The following CCSER1 variants were observed in gnomAD, a reference collection of about 807,000 sequenced individuals.
The protein encoded by CCSER1 is serine-rich coiled-coil domain-containing protein 1.
A neutral mutation model predicts 82.0 loss-of-function variants in CCSER1; 41 were observed. That is an observed-to-expected ratio of 0.50 (90% confidence interval 0.39 to 0.65). The LOEUF is 0.65. CCSER1 is among the 30% of genes least tolerant of loss of function. The probability of loss-of-function intolerance (pLI) is 0.00; values close to 1 mark genes in which losing one functional copy is unlikely to be tolerated. For synonymous variants in CCSER1, 414 were observed against 383.9 expected (o/e 1.08, Z -0.92); for missense variants, 1,119 against 1,064.2 (o/e 1.05, Z -0.72).
chr4:91,542,455 C>T (rs1255579603), intron 10 of CCSER1, among the ~76,000 whole-genome samples: 1 of 151,906 alleles, frequency 6.6e-6, no homozygotes, highest in Non-Finnish European at 1.5e-5. Flanking sequence ...ATGGCTAGCT[C>T]ATTTTCCCAG....
intron 5 of CCSER1, among the ~76,000 whole-genome samples, chr4:90,611,784 T>G (rs1785536931): frequency 6.8e-6 from 1 of 148,028 alleles, no homozygotes; most frequent in Non-Finnish European, 1.5e-5. Flanking sequence ...AAACAGGCTT[T>G]ATATATATTA....
intron 3 of CCSER1, among the ~76,000 whole-genome samples, chr4:90,392,116 T>G (rs749737266): frequency 6.6e-6 from 1 of 151,924 alleles, no homozygotes; most frequent in African/African-American, 2.4e-5. Context: ...ATATTTTAAG[T>G]GATAAAAAGA....
At chr4:91,270,934 G>A (rs1245695967) in intron 10 of CCSER1, among the ~76,000 whole-genome samples, 1 of 152,200 alleles carries the variant, frequency 6.6e-6, no homozygotes, top group African/African-American at 2.4e-5. Context: ...TACAGGTTGT[G>A]TGTGGGGAAA....
At chr4:90,349,337 A>G (rs190095815) in intron 3 of CCSER1, among the ~76,000 whole-genome samples, 87 of 152,264 alleles carry the variant, frequency 5.7e-4, no homozygotes, top group Middle Eastern at 6.8e-3. Flanking sequence ...ATTTCTAATT[A>G]TATAATTTTA....
chr4:90,212,985 G>T (rs1266816935), intron 1 of CCSER1, among the ~76,000 whole-genome samples: 1 of 152,164 alleles, frequency 6.6e-6, no homozygotes, highest in Non-Finnish European at 1.5e-5. Flanking sequence ...CCTAACATGT[G>T]TATGGGGGAA....
intron 8 of CCSER1, among the ~76,000 whole-genome samples, chr4:90,826,631 G>T (rs942656438): frequency 5.3e-5 from 8 of 152,006 alleles, no homozygotes; most frequent in Non-Finnish European, 2.9e-5. Flanking sequence ...AAATTCAGGG[G>T]GATTATGTGA....
intron 7 of CCSER1, among the ~76,000 whole-genome samples, chr4:90,783,234 A>G (rs533835606): frequency 1.7e-4 from 26 of 152,190 alleles, no homozygotes; most frequent in Non-Finnish European, 3.1e-4. Context: ...ATTCCTTAAA[A>G]TAAGAAAAAT....
chr4:90,277,061 C>G (rs1251190139), intron 1 of CCSER1, among the ~76,000 whole-genome samples: 2 of 151,836 alleles, frequency 1.3e-5, no homozygotes, highest in Non-Finnish European at 2.9e-5. Context: ...GATAGTTTGA[C>G]TTATTTGGAT....
At chr4:91,256,442 T>C (rs1192672690) in intron 10 of CCSER1, among the ~76,000 whole-genome samples, 1 of 152,188 alleles carries the variant, frequency 6.6e-6, no homozygotes, top group East Asian at 1.9e-4. Context: ...GCATGTGATC[T>C]CTGTGACCCA....
At chr4:90,207,277 A>G (rs1483423107) in intron 1 of CCSER1, among the ~76,000 whole-genome samples, 1 of 151,878 alleles carries the variant, frequency 6.6e-6, no homozygotes, top group South Asian at 2.1e-4. Context: ...CTTCTGCTGG[A>G]TTGATTTGTC....
chr4:90,833,807 C>G (rs1041389343), intron 8 of CCSER1, among the ~76,000 whole-genome samples: 4 of 152,130 alleles, frequency 2.6e-5, no homozygotes, highest in Admixed American at 2.6e-4. Context: ...GAGCTGAGGC[C>G]TACCCTCCTC....
chr4:91,145,350 A>G (rs984625344), intron 10 of CCSER1, among the ~76,000 whole-genome samples: 12 of 152,164 alleles, frequency 7.9e-5, no homozygotes, highest in African/African-American at 1.4e-4. Flanking sequence ...TATTGGTGTC[A>G]TAACATGTGA....
intron 1 of CCSER1, among the ~76,000 whole-genome samples, chr4:90,304,600 A>G (rs1039669652): frequency 1.2e-4 from 18 of 152,238 alleles, no homozygotes; most frequent in African/African-American, 4.3e-4. Context: ...TTGAACAATG[A>G]GAACACATGG....
chr4:90,528,391 C>T (rs571254735), intron 5 of CCSER1, among the ~76,000 whole-genome samples: 1 of 152,246 alleles, frequency 6.6e-6, no homozygotes, highest in East Asian at 1.9e-4. Context: ...AGCCACACTA[C>T]CTAAAGTCTA....
At chr4:91,198,791 C>T (rs1735664088) in intron 10 of CCSER1, among the ~76,000 whole-genome samples, 1 of 152,088 alleles carries the variant, frequency 6.6e-6, no homozygotes, top group African/African-American at 2.4e-5. Context: ...TTTTAGTTTA[C>T]AAGAACTCTA....
Position 91,030,304 on chromosome 4 carries a change from C to T in CCSER1, c.2173-55646C>T, listed in dbSNP as rs1036311802. ...CCAACATTGTCCAAATGAACACTGGCGATGATGGAAATATTCCATATTTAC... is the reference window on the plus strand; with the variant it reads ...CCAACATTGTCCAAATGAACACTGGTGATGATGGAAATATTCCATATTTAC... On this transcript the variant is annotated intron_variant, in intron 9 of 10. Coordinates refer to ENST00000509176, the MANE Select transcript of CCSER1 (RefSeq NM_001145065.2). Among the ~76,000 whole-genome samples, 10 of 151,986 alleles carry T rather than the reference C, an allele frequency of 6.6e-5. No homozygotes were observed. In the East Asian group the frequency reaches 7.7e-4, roughly 12 times the overall value.
In CCSER1 at chr4:91,115,861, T is replaced by A. The variant is rs11726396; in HGVS notation, c.2217+29867T>A. ...TTCTTTTATATATATATATATATAT[T>A]TTTTTTTATTATACTTTAAGTTCTA... On this transcript the variant is annotated intron_variant, in intron 10 of 10. Coordinates refer to ENST00000509176, the MANE Select transcript of CCSER1 (RefSeq NM_001145065.2). Among the ~76,000 whole-genome samples, 608 of 133,510 alleles carry A rather than the reference T, an allele frequency of 4.6e-3. 5 individuals are homozygous for A. The highest frequency in any genetic ancestry group is 0.013 in the African/African-American group (459 of 35,266). The allele number at this position is 133,510 out of a possible 152,430, so 87.6% of individuals were successfully genotyped here. A position where few individuals can be genotyped will look rare whatever the true frequency, so the allele number is the denominator to read the frequency against.
chr4:91,581,873 T>TA (rs76172549), intron 10 of CCSER1, among the ~76,000 whole-genome samples: 29,929 of 151,374 alleles, frequency 0.2, 3,778 homozygotes, highest in East Asian at 0.46. Flanking sequence ...TTAATAACAT[T>TA]AAAAAATGTT....
chr4:90,573,518 G>A (rs1446479756), intron 5 of CCSER1, among the ~76,000 whole-genome samples: 1 of 152,134 alleles, frequency 6.6e-6, no homozygotes, highest in East Asian at 1.9e-4. Context: ...TGGGTAACAT[G>A]GATGATGTAA....
Sources: gnomAD v4.1 joint callset for allele counts (sites outside exome capture counted in the v4.1 genomes callset) on GRCh38, gnomAD v4.1.1 for gene constraint, MANE v1.5 for transcripts, NCBI Gene and HGNC (gene_info 2026-07-23, HGNC 2026-07-21) for gene names.